The following CARMIL1 variants were observed in gnomAD, a reference collection of about 807,000 sequenced individuals.
The protein encoded by CARMIL1 is capping protein regulator and myosin 1 linker 1, also known as F-actin-uncapping protein LRRC16A.
In CARMIL1, 90 loss-of-function variants were observed where a neutral mutation model predicts 177.1. The ratio of observed to expected loss-of-function variants is 0.51; its 90% CI spans 0.43 to 0.61. The LOEUF (loss-of-function observed/expected upper bound fraction) is 0.61, where lower values mean the gene tolerates loss of function less well. Among genes scored for constraint, CARMIL1 ranks in the 20% least tolerant of loss-of-function variants. The pLI, the probability that CARMIL1 is intolerant of heterozygous loss-of-function variation, is 0.00. For synonymous variants in CARMIL1, 577 were observed against 606.2 expected, an observed-to-expected ratio of 0.95 and a Z score of 0.71; for missense variants, 1,380 against 1,667.0, an observed-to-expected ratio of 0.83 and a Z score of 3.00.
chr6:25,369,559 C>T (rs567081899), intron 2 of CARMIL1, among the ~76,000 whole-genome samples: 1 of 152,186 alleles, frequency 6.6e-6, no homozygotes, highest in South Asian at 2.1e-4. Context: ...CCACCTCTCA[C>T]CACTTCCTCA....
In CARMIL1 at chr6:25,620,501, T is replaced by G. The variant is rs1457490767; in HGVS notation, c.*918T>G. 2.6e-5 allele frequency: 4 copies of G among 152,238 alleles called. No individual in the cohort carries two copies. The highest frequency in any genetic ancestry group is 7.2e-5 in the African/African-American group (3 of 41,462). 9.4% of individuals were successfully genotyped at this position (152,238 alleles called of 1,614,324 possible). A position where few individuals can be genotyped will look rare whatever the true frequency, so the allele number is the denominator to read the frequency against. On this transcript the variant is annotated 3_prime_UTR_variant, in exon 37 of 37. Coordinates refer to ENST00000329474, the MANE Select transcript of CARMIL1 (RefSeq NM_017640.6). The stretch of plus-strand genomic sequence containing the variant: ...GAAGTATTTTATTCATATGTATATT[T>G]ATACCAATAAAATGATTTTACAAGT...
chr6:25,586,323 C>T lies in CARMIL1; in HGVS notation c.3006+4884C>T, dbSNP rs1231245180. ...ACTCCTCAGTTCCCAGACGGGGTCG[C>T]GGCCGGGCAGAGGCGCTCCTCACAT... On this transcript the variant is annotated intron_variant, in intron 31 of 36. Coordinates refer to ENST00000329474, the MANE Select transcript of CARMIL1 (RefSeq NM_017640.6). Among the ~76,000 whole-genome samples the T allele has an allele frequency of 6.7e-3, 989 of 147,462 alleles. 14 individuals are homozygous for T. Among genetic ancestry groups the T allele is most frequent in the African/African-American group, 0.021 (809 of 37,912 alleles).
At chr6:25,519,059 A>G (rs910395710) in intron 22 of CARMIL1, among the ~76,000 whole-genome samples, 4 of 152,086 alleles carry the variant, frequency 2.6e-5, no homozygotes, top group African/African-American at 9.7e-5. Context: ...CTGGGTGAAT[A>G]TTTTTTTCCA....
chr6:25,459,271 T>TTCTTTCTTTCTTTTTCTTTCTTTCTTTC (rs1988181001), intron 8 of CARMIL1, among the ~76,000 whole-genome samples: 1 of 140,330 alleles, frequency 7.1e-6, no homozygotes, highest in Admixed American at 7.7e-5. Context: ...TCTTTCTTTT[T>TTCTTTCTTTCTTTTTCTTTCTTTCTTTC]TTTTTTTTTA....
intron 22 of CARMIL1, 56 bp downstream of exon 22, chr6:25,517,471 A>G: frequency 7.3e-7 from 1 of 1,364,170 alleles, no homozygotes; most frequent in South Asian, 1.2e-5. Flanking sequence ...AACCAATGGT[A>G]TATATGTTAC....
chr6:25,527,272 G>A (rs949168129), intron 23 of CARMIL1, among the ~76,000 whole-genome samples: 3 of 152,146 alleles, frequency 2.0e-5, no homozygotes, highest in African/African-American at 7.2e-5. Context: ...TTTGGTGGTG[G>A]TGTATACAGG....
chr6:25,309,577 T>C (rs969276632), intron 2 of CARMIL1, among the ~76,000 whole-genome samples: 9 of 151,574 alleles, frequency 5.9e-5, no homozygotes, highest in African/African-American at 2.2e-4. Context: ...TAGTCTACTT[T>C]CTGTCTCTAT....
rs1801073199 is a variant in CARMIL1 at position 25,471,246 on chromosome 6, T to G, written c.768T>G (p.Ala256=). 6.2e-7 allele frequency: 1 copy of G among 1,611,558 alleles called. No individual in the cohort carries two copies. Among genetic ancestry groups the G allele is most frequent in the Non-Finnish European group, 8.5e-7 (1 of 1,178,118 alleles). ...TGGAAGAATTGGTGTTGGAAAATGCTGGACTTAGAACGTGAGTATTTTCCT... is the reference window on the plus strand; with the variant it reads ...TGGAAGAATTGGTGTTGGAAAATGCGGGACTTAGAACGTGAGTATTTTCCT... ...NRLEELVLEN[A]GLRTDFAQKL... Residue 256 remains alanine, a synonymous_variant, in exon 10 of 37, where the codon GCT becomes GCG. Coordinates refer to ENST00000329474, the MANE Select transcript of CARMIL1 (RefSeq NM_017640.6).
intron 2 of CARMIL1, among the ~76,000 whole-genome samples, chr6:25,336,388 T>C (rs542668714): frequency 6.6e-6 from 1 of 152,198 alleles, no homozygotes; most frequent in East Asian, 1.9e-4. Flanking sequence ...AGTGACAGAC[T>C]GTACTCTACT....
chr6:25,457,435 C>G (rs1025209480), intron 8 of CARMIL1, among the ~76,000 whole-genome samples: 1 of 152,068 alleles, frequency 6.6e-6, no homozygotes, highest in African/African-American at 2.4e-5. Context: ...TACATCCTTC[C>G]CAGAGTTGGT....
chr6:25,526,091 C>T (rs149359690), intron 23 of CARMIL1, among the ~76,000 whole-genome samples: 7,922 of 151,724 alleles, frequency 0.052, 290 homozygotes, highest in Non-Finnish European at 0.086. Context: ...GGGCGGATCA[C>T]AAGGTCAGGA....
At chr6:25,409,886 G>C (rs1369630808) in intron 2 of CARMIL1, among the ~76,000 whole-genome samples, 1 of 152,024 alleles carries the variant, frequency 6.6e-6, no homozygotes. Flanking sequence ...CTGATGAATT[G>C]ATTTAACTAC....
rs75650328 is a variant in CARMIL1, at chr6:25,424,067, A to G, written c.190-2434A>G. Among the ~76,000 whole-genome samples, 50 of 152,260 alleles carry G rather than the reference A, an allele frequency of 3.3e-4. No individual in the cohort carries two copies. In the East Asian group the frequency reaches 8.7e-3, roughly 26 times the overall value. ...GAACCTTGCTGTGACGTCTTTCAGT[A>G]TGTTTTAGAGACTTCCCTCCCCACT... On this transcript the variant is annotated intron_variant, in intron 3 of 36. Transcript: ENST00000329474.
chr6:25,312,238 C>T (rs1032195534), intron 2 of CARMIL1, among the ~76,000 whole-genome samples: 5 of 152,206 alleles, frequency 3.3e-5, no homozygotes, highest in African/African-American at 9.7e-5. Context: ...GAACTCCTGA[C>T]AGCGACCTCA....
At chr6:25,285,091 T>G (rs924437456) in intron 2 of CARMIL1, among the ~76,000 whole-genome samples, 182 bp downstream of exon 2, 1 of 152,238 alleles carries the variant, frequency 6.6e-6, no homozygotes, top group African/African-American at 2.4e-5. Flanking sequence ...AATAGGGTAA[T>G]TTGAATTTTA....
At chr6:25,522,747 T>G (rs1476596007) in intron 23 of CARMIL1, among the ~76,000 whole-genome samples, 2 of 152,188 alleles carry the variant, frequency 1.3e-5, no homozygotes, top group African/African-American at 2.4e-5. Context: ...TGGCAGAGCT[T>G]ATGTATTTTT....
intron 27 of CARMIL1, among the ~76,000 whole-genome samples, chr6:25,551,346 G>T (rs1424026557): frequency 6.6e-6 from 1 of 152,052 alleles, no homozygotes; most frequent in East Asian, 1.9e-4. Flanking sequence ...TTTAAGAGAG[G>T]GTACATGTTT....
At chr6:25,432,258 A>G (rs1796855072) in intron 4 of CARMIL1, among the ~76,000 whole-genome samples, 1 of 152,154 alleles carries the variant, frequency 6.6e-6, no homozygotes, top group African/African-American at 2.4e-5. Flanking sequence ...GGGAATATCT[A>G]CCAGTGGCAC....
At chr6:25,328,388 A>G (rs1002135629) in intron 2 of CARMIL1, among the ~76,000 whole-genome samples, 4 of 152,204 alleles carry the variant, frequency 2.6e-5, no homozygotes, top group Non-Finnish European at 5.9e-5. Flanking sequence ...AAGACTGGCT[A>G]GGAGTTTTCT....
Sources: gnomAD v4.1 joint callset for allele counts (sites outside exome capture counted in the v4.1 genomes callset) on GRCh38, gnomAD v4.1.1 for gene constraint, MANE v1.5 for transcripts, NCBI Gene and HGNC (gene_info 2026-07-23, HGNC 2026-07-21) for gene names.